Variants in FSTL4 observed in about 807,000 individuals in gnomAD.
FSTL4 encodes follistatin-related protein 4.
In FSTL4, 28 loss-of-function variants were observed where a neutral mutation model predicts 78.2. That is an observed-to-expected ratio of 0.36 (90% CI 0.27 to 0.49). The LOEUF (loss-of-function observed/expected upper bound fraction) is 0.49. Ranked by LOEUF, FSTL4 falls within the 20% of genes least tolerant of loss-of-function variation. The pLI, the probability that FSTL4 is intolerant of heterozygous loss-of-function variation, is 0.98. For synonymous variants in FSTL4, 422 were observed against 440.5 expected, an observed-to-expected ratio of 0.96 and a Z score of 0.53; for missense variants, 922 against 1,084.9, an observed-to-expected ratio of 0.85 and a Z score of 2.11.
chr5:133,362,640 T>G (rs1029833058), intron 4 of FSTL4, among the ~76,000 whole-genome samples: 3 of 152,260 alleles, frequency 2.0e-5, no homozygotes, highest in African/African-American at 7.2e-5. Flanking sequence ...TGTGTGCCTG[T>G]GCACATGGGA....
the FSTL4 span, among the ~76,000 whole-genome samples, chr5:133,788,757 C>T: frequency 2.0e-5 from 3 of 152,170 alleles, no homozygotes; most frequent in African/African-American, 7.2e-5. Flanking sequence ...TTTTGTTAAA[C>T]CTTTACTCTG....
chr5:133,752,696 A>G, the FSTL4 span, among the ~76,000 whole-genome samples: 3 of 152,168 alleles, frequency 2.0e-5, no homozygotes, highest in African/African-American at 7.2e-5. Flanking sequence ...TGAGATGTGG[A>G]ATTCTGAAAG....
chr5:133,272,455 A>C (rs890712690), intron 6 of FSTL4, among the ~76,000 whole-genome samples: 11 of 152,238 alleles, frequency 7.2e-5, no homozygotes, highest in Non-Finnish European at 1.2e-4. Context: ...ATTTAGTTAC[A>C]CGACGGCTTC....
chr5:133,771,535 T>A, the FSTL4 span, among the ~76,000 whole-genome samples: 1 of 152,182 alleles, frequency 6.6e-6, no homozygotes, highest in Non-Finnish European at 1.5e-5. Flanking sequence ...TCAGCTAGAT[T>A]CTTATCAGTG....
At chr5:133,513,690 C>T (rs1305046520) in intron 3 of FSTL4, among the ~76,000 whole-genome samples, 2 of 152,180 alleles carry the variant, frequency 1.3e-5, no homozygotes, top group Non-Finnish European at 2.9e-5. Context: ...GAATGGATCA[C>T]TTCTTTTTCA....
At chr5:133,465,142 T>C (rs1206806325) in intron 3 of FSTL4, among the ~76,000 whole-genome samples, 3 of 152,238 alleles carry the variant, frequency 2.0e-5, no homozygotes, top group Non-Finnish European at 2.9e-5. Flanking sequence ...TCCGGCCTGC[T>C]ATCTTTGCTA....
the FSTL4 span, among the ~76,000 whole-genome samples, chr5:133,840,956 C>T: frequency 6.6e-6 from 1 of 152,236 alleles, no homozygotes; most frequent in Non-Finnish European, 1.5e-5. Context: ...GGCAGAGGAA[C>T]TGCATGGTTG....
chr5:133,670,790 C>T, the FSTL4 span, among the ~76,000 whole-genome samples: 9 of 152,160 alleles, frequency 5.9e-5, no homozygotes, highest in Non-Finnish European at 1.2e-4. Flanking sequence ...CTTTGAGGGT[C>T]TTCAGAGGGA....
At chr5:133,296,324 C>T (rs1333363525) in intron 6 of FSTL4, among the ~76,000 whole-genome samples, 1 of 152,234 alleles carries the variant, frequency 6.6e-6, no homozygotes. Context: ...AACTTGTCTA[C>T]ATGCTCCTAC....
intron 3 of FSTL4, among the ~76,000 whole-genome samples, chr5:133,493,581 C>T (rs1758312165): frequency 2.0e-5 from 3 of 152,136 alleles, no homozygotes; most frequent in Admixed American, 2.0e-4. Context: ...ATTGTGCAGG[C>T]CCAAAGTACA....
At chr5:133,367,521 T>G (rs1755205071) in intron 4 of FSTL4, among the ~76,000 whole-genome samples, 1 of 152,232 alleles carries the variant, frequency 6.6e-6, no homozygotes, top group Non-Finnish European at 1.5e-5. Flanking sequence ...CCTGGGATTT[T>G]AGGACAGCAA....
chr5:133,735,497 C>T, the FSTL4 span, among the ~76,000 whole-genome samples: 1 of 152,036 alleles, frequency 6.6e-6, no homozygotes, highest in Non-Finnish European at 1.5e-5. Flanking sequence ...CAGCTCATTC[C>T]TCACGATGGC....
chr5:133,404,277 C>G (rs192986661), intron 3 of FSTL4, among the ~76,000 whole-genome samples: 10 of 152,258 alleles, frequency 6.6e-5, no homozygotes, highest in Admixed American at 6.5e-4. Context: ...ACCACTTCCT[C>G]CTTGTCATTA....
At chr5:133,221,477 C>T (rs1249959024) in intron 11 of FSTL4, among the ~76,000 whole-genome samples, 2 of 151,574 alleles carry the variant, frequency 1.3e-5, no homozygotes, top group Non-Finnish European at 2.9e-5. Context: ...CAGTCATGCC[C>T]CCCTGACCCC....
At chr5:133,764,526 T>C in the FSTL4 span, among the ~76,000 whole-genome samples, 1 of 152,000 alleles carries the variant, frequency 6.6e-6, no homozygotes, top group Non-Finnish European at 1.5e-5. Flanking sequence ...TCCTTGCAAA[T>C]CCAAAGAAAA....
intron 3 of FSTL4, among the ~76,000 whole-genome samples, chr5:133,414,232 T>C (rs1580693418): frequency 1.3e-5 from 2 of 152,342 alleles, no homozygotes; most frequent in African/African-American, 4.8e-5. Context: ...GATCAGTCTA[T>C]GGTTATACAT....
At chr5:133,840,576 G>A in the FSTL4 span, among the ~76,000 whole-genome samples, 1 of 152,180 alleles carries the variant, frequency 6.6e-6, no homozygotes, top group African/African-American at 2.4e-5. Flanking sequence ...CCAGCTCCTG[G>A]GCCCTTGAGA....
chr5:133,296,897 T>G (rs1285088959), intron 6 of FSTL4, among the ~76,000 whole-genome samples: 1 of 152,182 alleles, frequency 6.6e-6, no homozygotes, highest in Non-Finnish European at 1.5e-5. Flanking sequence ...GCACACTGCC[T>G]CCAGGGCTAA....
chr5:133,445,354 G>T (rs1014661098), intron 3 of FSTL4, among the ~76,000 whole-genome samples: 1 of 152,170 alleles, frequency 6.6e-6, no homozygotes, highest in African/African-American at 2.4e-5. Flanking sequence ...TGCTCCCTCA[G>T]ATCACTGCTG....
Sources: gnomAD v4.1 joint callset for allele counts (sites outside exome capture counted in the v4.1 genomes callset) on GRCh38, gnomAD v4.1.1 for gene constraint, MANE v1.5 for transcripts, NCBI Gene and HGNC (gene_info 2026-07-23, HGNC 2026-07-21) for gene names.